The following HSD17B12 variants were observed in gnomAD, a reference collection of about 807,000 sequenced individuals.
HSD17B12 encodes hydroxysteroid 17-beta dehydrogenase 12.
In HSD17B12, 32 loss-of-function variants were observed where a neutral mutation model predicts 39.3. That is an observed-to-expected ratio of 0.81 (90% CI 0.61 to 1.09). The LOEUF is 1.09. Among genes scored for constraint, HSD17B12 ranks in the 50% least tolerant of loss-of-function variants. The pLI, the probability that HSD17B12 is intolerant of heterozygous loss-of-function variation, is 0.00. For missense variants in HSD17B12, 342 were observed against 382.9 expected (o/e 0.89, Z 0.89); for synonymous variants, 150 against 146.7 (o/e 1.02, Z -0.16).
intron 2 of HSD17B12, among the ~76,000 whole-genome samples, chr11:43,751,320 C>T (rs1950462854): frequency 6.6e-6 from 1 of 152,104 alleles, no homozygotes; most frequent in Non-Finnish European, 1.5e-5. Flanking sequence ...GGTTACATTT[C>T]TAGGCTAGTC....
At chr11:43,658,472 A>C in the HSD17B12 span, among the ~76,000 whole-genome samples, 1 of 152,034 alleles carries the variant, frequency 6.6e-6, no homozygotes, top group Non-Finnish European at 1.5e-5. Flanking sequence ...AGGCACTCTG[A>C]TTTTTAGAGT....
At chr11:43,734,659 A>C (rs1439166349) in intron 1 of HSD17B12, 1 of 243,324 alleles carries the variant, frequency 4.1e-6, no homozygotes, top group African/African-American at 2.2e-5. Context: ...CCCAGAAATC[A>C]CTGTGAAATT....
Position 43,854,842 on chromosome 11 carries a change from G to A in HSD17B12, c.812G>A (p.Gly271Glu). The A allele has an allele frequency of 6.2e-7, 1 of 1,614,130 alleles. No individual in the cohort carries two copies. Among genetic ancestry groups the A allele is most frequent in the Non-Finnish European group, 8.5e-7 (1 of 1,180,008 alleles). The change falls in exon 10 of 11, where the codon GGA (glycine) becomes GAA (glutamate). Residue 271 changes from glycine to glutamate, a missense_variant. Transcript: ENST00000278353. The stretch of plus-strand genomic sequence containing the variant: ...GTCGGCCTGCAATCCCGAACCAATG[G>A]ATACCTGATCCATGCTCTTATGGTA... The part of the protein sequence containing the change: ...KTVGLQSRTN[G>E]YLIHALMGSI...
At chr11:43,678,454 A>G (rs939871665), upstream of HSD17B12, among the ~76,000 whole-genome samples, 3 of 152,056 alleles carry the variant, frequency 2.0e-5, no homozygotes, top group Non-Finnish European at 4.4e-5. Flanking sequence ...CCCATTTGTC[A>G]ATTTTGGCTT....
In HSD17B12 at chr11:43,753,557, T is replaced by TA. The variant is rs563409070; in HGVS notation, c.208-473dup. Among the ~76,000 whole-genome samples the TA allele has an allele frequency of 3.8e-3, 530 of 138,792 alleles. 5 individuals are homozygous for TA. The highest frequency in any genetic ancestry group is 0.02 in the Admixed American group (283 of 13,854). The allele number at this position is 138,792 out of a possible 152,430, so 91.1% of individuals were successfully genotyped here. On this transcript the variant is annotated intron_variant, in intron 2 of 10. Coordinates refer to ENST00000278353, the MANE Select transcript of HSD17B12 (RefSeq NM_016142.3). ...GCATGTGCCACCACACCCAGATAATTAAAAAAAAAAAAAAAATTTTTTTTT... is the reference window on the plus strand; with the variant it reads ...GCATGTGCCACCACACCCAGATAATTAAAAAAAAAAAAAAAAATTTTTTTTT...
At chr11:43,643,001 GTAT>G in the HSD17B12 span, among the ~76,000 whole-genome samples, 1 of 152,004 alleles carries the variant, frequency 6.6e-6, no homozygotes. Context: ...TTTTGCATGT[GTAT>G]TAGGATTTCT....
the HSD17B12 span, among the ~76,000 whole-genome samples, chr11:43,655,809 GTATTT>G: frequency 6.6e-6 from 1 of 152,152 alleles, no homozygotes; most frequent in Admixed American, 6.5e-5. Flanking sequence ...TGGCTTGCCA[GTATTT>G]TATTGAGGAT....
At chr11:43,713,166 C>T (rs1950085706) in intron 1 of HSD17B12, among the ~76,000 whole-genome samples, 1 of 152,158 alleles carries the variant, frequency 6.6e-6, no homozygotes, top group Non-Finnish European at 1.5e-5. Context: ...TTCTAGGGTA[C>T]ATGTGCACAA....
intron 1 of HSD17B12, among the ~76,000 whole-genome samples, chr11:43,701,750 T>C (rs1351030967): frequency 6.6e-6 from 1 of 152,166 alleles, no homozygotes; most frequent in East Asian, 1.9e-4. Context: ...TATAATTTGA[T>C]GTCAGGTAAT....
intron 6 of HSD17B12, among the ~76,000 whole-genome samples, chr11:43,823,404 A>G (rs1475714476): frequency 6.6e-6 from 1 of 151,798 alleles, no homozygotes. Context: ...CTGAGTAGTT[A>G]GGACTACAGG....
intron 1 of HSD17B12, among the ~76,000 whole-genome samples, chr11:43,742,758 G>T (rs1276164213): frequency 6.7e-6 from 1 of 149,782 alleles, no homozygotes; most frequent in African/African-American, 2.5e-5. Flanking sequence ...TTTTGTGTGT[G>T]TGTTTTTTTT....
the HSD17B12 span, among the ~76,000 whole-genome samples, chr11:43,648,158 T>A: frequency 8.5e-5 from 13 of 152,188 alleles, no homozygotes; most frequent in Non-Finnish European, 1.8e-4. Flanking sequence ...TTATTTTTCT[T>A]TTTGTTCAGT....
the HSD17B12 span, chr11:43,556,988 G>A: frequency 6.6e-6 from 1 of 152,080 alleles, no homozygotes; most frequent in African/African-American, 2.4e-5. Context: ...ACTGTCTTGT[G>A]TTTGGCTTTT....
chr11:43,774,572 A>G (rs890365366), intron 3 of HSD17B12, among the ~76,000 whole-genome samples: 1 of 152,062 alleles, frequency 6.6e-6, no homozygotes. Flanking sequence ...GGGTCCAACA[A>G]CCCATGGACC....
intron 6 of HSD17B12, among the ~76,000 whole-genome samples, chr11:43,827,765 G>T (rs183567971): frequency 6.6e-6 from 1 of 152,026 alleles, no homozygotes; most frequent in African/African-American, 2.4e-5. Flanking sequence ...TTGTATAAGC[G>T]AAATAAGCCT....
rs1449882353 is a variant in HSD17B12 at position 43,798,331 on chromosome 11, A to G, written c.295A>G (p.Lys99Glu). 2.5e-6 allele frequency: 4 copies of G among 1,607,722 alleles called. No individual in the cohort carries two copies. Among genetic ancestry groups the G allele is most frequent in the Non-Finnish European group, 3.4e-6 (4 of 1,175,302 alleles). The change falls in exon 4 of 11, where the codon AAA becomes GAA. Residue 99 changes from lysine (K) to glutamate (E), a missense_variant. By Grantham distance (56) the Lys-to-Glu change is moderately conservative. Coordinates refer to ENST00000278353, the MANE Select transcript of HSD17B12 (RefSeq NM_016142.3). Reference protein sequence around the residue: ...QVSSEIKEKFKVETRTIAVDF... With the variant: ...QVSSEIKEKFEVETRTIAVDF... ...TTCTTTTTCCCTAGAAGAAAAATTCAAAGTGGAGACAAGAACCATTGCTGT... is the reference window on the plus strand; with the variant it reads ...TTCTTTTTCCCTAGAAGAAAAATTCGAAGTGGAGACAAGAACCATTGCTGT...
At chr11:43,706,822 T>A (rs143270707) in intron 1 of HSD17B12, among the ~76,000 whole-genome samples, 5 of 152,136 alleles carry the variant, frequency 3.3e-5, no homozygotes, top group African/African-American at 1.2e-4. Context: ...TAAGGTACAG[T>A]ATTATGCTGA....
intron 1 of HSD17B12, among the ~76,000 whole-genome samples, chr11:43,686,567 C>G (rs1949801156): frequency 6.6e-6 from 1 of 151,442 alleles, no homozygotes; most frequent in African/African-American, 2.4e-5. Context: ...TCACTCCCCT[C>G]CCGACTAGCC....
the HSD17B12 span, among the ~76,000 whole-genome samples, chr11:43,622,783 G>A: frequency 2.0e-5 from 3 of 151,966 alleles, no homozygotes; most frequent in African/African-American, 4.8e-5. Flanking sequence ...GAATCAACAT[G>A]TGAGAAATGA....
Sources: gnomAD v4.1 joint callset for allele counts (sites outside exome capture counted in the v4.1 genomes callset) on GRCh38, gnomAD v4.1.1 for gene constraint, MANE v1.5 for transcripts, NCBI Gene and HGNC (gene_info 2026-07-23, HGNC 2026-07-21) for gene names.